Variants in KCNH1 observed in about 807,000 individuals in gnomAD.
KCNH1 encodes the protein potassium voltage-gated channel subfamily H member 1.
Under a neutral mutation model 69.2 loss-of-function variants are expected in KCNH1, and 27 were observed. That is an observed-to-expected ratio of 0.39 (90% CI 0.29 to 0.54). KCNH1 has a LOEUF of 0.54. Ranked by LOEUF, KCNH1 falls within the 20% of genes least tolerant of loss-of-function variation. The pLI is 0.68. For synonymous variants in KCNH1, 456 were observed against 487.7 expected (o/e 0.93, Z 0.86); for missense variants, 798 against 1,261.6 (o/e 0.63, Z 5.57).
intron 6 of KCNH1, among the ~76,000 whole-genome samples, chr1:211,001,607 G>A (rs536128891): frequency 5.9e-5 from 9 of 152,254 alleles, no homozygotes; most frequent in East Asian, 3.9e-4. Flanking sequence ...TCAGTGTGGC[G>A]ATTCCTCAGG....
intron 5 of KCNH1, among the ~76,000 whole-genome samples, chr1:211,080,861 A>C (rs1435673913): frequency 6.6e-6 from 1 of 152,168 alleles, no homozygotes; most frequent in Non-Finnish European, 1.5e-5. Flanking sequence ...AACCATAAAA[A>C]CCCTAGAAGA....
intron 10 of KCNH1, among the ~76,000 whole-genome samples, chr1:210,728,204 C>A (rs1682655127): frequency 6.6e-6 from 1 of 152,156 alleles, no homozygotes; most frequent in South Asian, 2.1e-4. Context: ...AGACTCTTGG[C>A]CCCCTTGTCT....
chr1:210,896,595 G>A (rs1686873198), intron 7 of KCNH1, among the ~76,000 whole-genome samples: 1 of 152,184 alleles, frequency 6.6e-6, no homozygotes, highest in African/African-American at 2.4e-5. Context: ...AATCCCTGAA[G>A]AAGTGAGTAT....
At chr1:210,883,349 G>A (rs1422278678) in intron 7 of KCNH1, among the ~76,000 whole-genome samples, 1 of 152,180 alleles carries the variant, frequency 6.6e-6, no homozygotes, top group Admixed American at 6.5e-5. Context: ...AGGCATGTTG[G>A]CCCTTGATCA....
intron 7 of KCNH1, chr1:210,859,387 G>C: frequency 1.3e-6 from 2 of 1,571,600 alleles, no homozygotes; most frequent in South Asian, 1.1e-5. Flanking sequence ...ATTTCGAATG[G>C]TTTGAAAGAT....
intron 7 of KCNH1, among the ~76,000 whole-genome samples, chr1:210,829,424 C>G (rs139672110): frequency 6.6e-6 from 1 of 151,996 alleles, no homozygotes; most frequent in Non-Finnish European, 1.5e-5. Context: ...CATGTGCCCC[C>G]CTACAGAGTC....
chr1:210,894,347 A>G (rs1013028553), intron 7 of KCNH1, among the ~76,000 whole-genome samples: 1 of 152,176 alleles, frequency 6.6e-6, no homozygotes, highest in African/African-American at 2.4e-5. Context: ...CTGACTACTC[A>G]ATCCAATGTC....
chr1:211,109,963 A>G lies in KCNH1; in HGVS notation c.80-2586T>C, dbSNP rs531887289. Among the ~76,000 whole-genome samples the G allele has an allele frequency of 3.3e-5, 5 of 152,078 alleles. No homozygotes were observed. The East Asian group carries it at 7.7e-4, about 23-fold the overall frequency. On this transcript the variant is annotated intron_variant, in intron 1 of 10. Coordinates refer to ENST00000271751, the MANE Select transcript of KCNH1 (RefSeq NM_172362.3). ...GAATAGCAATTAAATATTCAACATG[A>G]ATTTTAGAAGATAAAGTCTTACAGA...
chr1:210,819,253 C>T (rs1684878588), intron 7 of KCNH1, among the ~76,000 whole-genome samples: 1 of 152,108 alleles, frequency 6.6e-6, no homozygotes, highest in African/African-American at 2.4e-5. Context: ...TCAGATTTTG[C>T]AGAGTCTAGG....
At chr1:211,090,841 A>AT (rs899076600) in intron 3 of KCNH1, 151 bp from the exon 4 acceptor site, 9 of 709,970 alleles carry the variant, frequency 1.3e-5, no homozygotes, top group Non-Finnish European at 1.9e-5. Flanking sequence ...CACACCATAA[A>AT]TTTTTTTTCT....
At chr1:210,782,401 TG>T (rs1684004941) in intron 9 of KCNH1, among the ~76,000 whole-genome samples, 1 of 152,114 alleles carries the variant, frequency 6.6e-6, no homozygotes, top group Non-Finnish European at 1.5e-5. Flanking sequence ...AGATGATAAC[TG>T]GGTCATGAAG....
At chr1:211,038,084 C>T (rs1042152842) in intron 5 of KCNH1, among the ~76,000 whole-genome samples, 4 of 151,774 alleles carry the variant, frequency 2.6e-5, no homozygotes, top group Non-Finnish European at 5.9e-5. Flanking sequence ...CTCAGCCTCC[C>T]GAGTAGCTGG....
At chr1:211,097,279 T>C (rs1691174922) in intron 3 of KCNH1, among the ~76,000 whole-genome samples, 1 of 152,172 alleles carries the variant, frequency 6.6e-6, no homozygotes, top group Admixed American at 6.5e-5. Flanking sequence ...TGGTTTAATA[T>C]TCTAAATATT....
chr1:210,744,571 G>A (rs1038383319), intron 10 of KCNH1, among the ~76,000 whole-genome samples: 1 of 152,128 alleles, frequency 6.6e-6, no homozygotes, highest in Non-Finnish European at 1.5e-5. Flanking sequence ...TTGAACCCGG[G>A]AGGCGGAGGT....
chr1:211,128,686 G>T (rs1691827387), intron 1 of KCNH1, among the ~76,000 whole-genome samples: 1 of 152,082 alleles, frequency 6.6e-6, no homozygotes, highest in African/African-American at 2.4e-5. Flanking sequence ...TTTTCTATTT[G>T]TCGTACTGAA....
At chr1:210,798,812 T>A (rs1684374186) in intron 8 of KCNH1, among the ~76,000 whole-genome samples, 1 of 152,156 alleles carries the variant, frequency 6.6e-6, no homozygotes, top group Admixed American at 6.5e-5. Context: ...AATGACATGA[T>A]CTACTGATGG....
At chr1:211,032,575 T>C (rs1371086941) in intron 5 of KCNH1, among the ~76,000 whole-genome samples, 3 of 152,164 alleles carry the variant, frequency 2.0e-5, no homozygotes, top group Non-Finnish European at 4.4e-5. Flanking sequence ...TATAGACTGA[T>C]GCAACAGAAC....
rs776649794 is a variant in KCNH1 at position 210,683,986 on chromosome 1, C to G, written c.2265G>C (p.Glu755Asp). 6.9e-6 allele frequency: 11 copies of G among 1,599,740 alleles called. No individual in the cohort carries two copies. The highest frequency in any genetic ancestry group is 1.7e-5 in the Admixed American group (1 of 59,586). Residue 755 changes from glutamate to aspartate, a missense_variant, in exon 11 of 11, where the codon GAG (glutamate) becomes GAC (aspartate). Glu to Asp is a conservative substitution (Grantham distance 45). Around this residue, in one of 4 missense-constraint regions of KCNH1, gnomAD observed 331 missense variants for 363.2 expected, o/e 0.91. Transcript: ENST00000271751. This position sits in a 1 kb window ranked among gnomAD's most constrained non-coding sequence, Gnocchi z 5.7. The stretch of plus-strand genomic sequence containing the variant: ...GGTCATCCAGGTCCCGGCCCCCTCT[C>G]TCAGCTGCCAGCCTGGCCTCTTTCT... Reference protein sequence around the residue: ...RQQKEARLAAERGGRDLDDLD... With the variant: ...RQQKEARLAADRGGRDLDDLD...
intron 1 of KCNH1, among the ~76,000 whole-genome samples, chr1:211,113,997 CACACACAT>C (rs1190628555): frequency 9.3e-5 from 14 of 150,418 alleles, no homozygotes; most frequent in South Asian, 4.3e-4. Context: ...CACACACACA[CACACACAT>C]ACACACACAC....
Sources: gnomAD v4.1 joint callset for allele counts (sites outside exome capture counted in the v4.1 genomes callset) on GRCh38, gnomAD v4.1.1 for gene constraint, gnomAD v4.1.1 regional missense constraint, Gnocchi (gnomAD v3.1) non-coding constraint, MANE v1.5 for transcripts, NCBI Gene and HGNC (gene_info 2026-07-23, HGNC 2026-07-21) for gene names.